CWC27: variants seen among roughly 807,000 people sequenced by gnomAD.
CWC27 encodes the protein CWC27 spliceosome associated cyclophilin, also known as spliceosome-associated protein CWC27 homolog.
Under a neutral mutation model 63.6 loss-of-function variants are expected in CWC27, and 47 were observed. The observed-to-expected ratio is 0.74, with a 90% confidence interval of 0.58 to 0.94. The LOEUF is 0.94. Ranked by LOEUF, CWC27 falls within the 40% of genes least tolerant of loss-of-function variation. CWC27 has a pLI of 0.00. For synonymous variants in CWC27, 175 were observed against 179.8 expected (o/e 0.97, Z 0.22); for missense variants, 495 against 554.3 (o/e 0.89, Z 1.07).
rs572717673 is a variant in CWC27, at chr5:64,785,835, G to GT, written c.495+259dup. The stretch of plus-strand genomic sequence containing the variant: ...CATAATGGAAAGTTAAAGGAATTAG[G>GT]TTTATTTAGCCCAAAGTAGTGACTT... On this transcript the variant is annotated intron_variant, in intron 5 of 13. Coordinates refer to ENST00000381070, the MANE Select transcript of CWC27 (RefSeq NM_005869.4). 2.3e-4 allele frequency among the ~76,000 whole-genome samples: 35 copies of GT among 152,096 alleles called. No individual in the cohort carries two copies. In the East Asian group the frequency reaches 3.1e-3, roughly 13 times the overall value.
chr5:64,974,624 C>T (rs1335356412), intron 12 of CWC27, among the ~76,000 whole-genome samples: 1 of 151,962 alleles, frequency 6.6e-6, no homozygotes, highest in Non-Finnish European at 1.5e-5. Flanking sequence ...CACAGCCAGA[C>T]CATATCATAT....
rs745785857 is a variant in CWC27 at position 64,800,235 on chromosome 5, AC to A, written c.670-12del. ...ATTTCCCCCCTCATGATTATATTGT[AC>A]ATTCTTTGCAGAGCATGAAGGGCAA... On this transcript the variant is annotated splice_polypyrimidine_tract_variant and intron_variant, in intron 7 of 13. Coordinates refer to ENST00000381070, the MANE Select transcript of CWC27 (RefSeq NM_005869.4). 5 of 1,579,124 alleles carry A rather than the reference AC, an allele frequency of 3.2e-6. No individual in the cohort carries two copies. In the South Asian group the frequency reaches 5.6e-5, roughly 18 times the overall value.
chr5:64,905,020 G>A (rs535405856), intron 11 of CWC27, among the ~76,000 whole-genome samples: 2 of 152,104 alleles, frequency 1.3e-5, no homozygotes, highest in Middle Eastern at 6.8e-3. Flanking sequence ...GGCCAACATG[G>A]TGAAACCCCA....
At chr5:64,899,154 T>G (rs1289210131) in intron 11 of CWC27, among the ~76,000 whole-genome samples, 2 of 152,138 alleles carry the variant, frequency 1.3e-5, no homozygotes, top group African/African-American at 4.8e-5. Context: ...ATTACTAGAT[T>G]CTGTTATATA....
At chr5:64,864,016 T>G (rs1054807195) in intron 10 of CWC27, among the ~76,000 whole-genome samples, 1 of 152,206 alleles carries the variant, frequency 6.6e-6, no homozygotes, top group Admixed American at 6.5e-5. Flanking sequence ...AAGCTTTCAC[T>G]CATCAACTGA....
intron 13 of CWC27, among the ~76,000 whole-genome samples, chr5:64,999,575 A>G (rs1242944065): frequency 2.0e-5 from 3 of 152,110 alleles, no homozygotes; most frequent in African/African-American, 7.2e-5. Context: ...CATGTGAGTG[A>G]GAATATGCAG....
chr5:64,901,474 G>C (rs918675730), intron 11 of CWC27, among the ~76,000 whole-genome samples: 1 of 149,988 alleles, frequency 6.7e-6, no homozygotes, highest in East Asian at 1.9e-4. Context: ...AAAAAAAAAA[G>C]GTATAAAAGA....
chr5:64,999,615 C>T lies in CWC27; in HGVS notation c.1257-18544C>T, dbSNP rs570415442. ...TCATCCTTCTCTGCCTGGCTTATTTCACTTAACATCATGGCCTTAGTTCTA... is the reference window on the plus strand; with the variant it reads ...TCATCCTTCTCTGCCTGGCTTATTTTACTTAACATCATGGCCTTAGTTCTA... On this transcript the variant is annotated intron_variant, in intron 13 of 13. Transcript: ENST00000381070. 3.9e-5 allele frequency among the ~76,000 whole-genome samples: 6 copies of T among 152,206 alleles called. No individual in the cohort carries two copies. In the South Asian group the frequency reaches 1.2e-3, roughly 32 times the overall value.
At chr5:64,824,894 A>G (rs755005412) in intron 10 of CWC27, among the ~76,000 whole-genome samples, 6 of 151,630 alleles carry the variant, frequency 4.0e-5, no homozygotes, top group Non-Finnish European at 8.8e-5. Context: ...CACCATGCCT[A>G]GCTAATTTTT....
At chr5:64,991,727 A>G (rs1233612954) in intron 13 of CWC27, among the ~76,000 whole-genome samples, 1 of 152,236 alleles carries the variant, frequency 6.6e-6, no homozygotes, top group African/African-American at 2.4e-5. Context: ...GTCTCTAAAA[A>G]ACAATAAATA....
chr5:64,975,661 T>A (rs1262648115), intron 12 of CWC27, among the ~76,000 whole-genome samples: 1 of 151,990 alleles, frequency 6.6e-6, no homozygotes. Context: ...ACAGTCATGT[T>A]CCCCCTACAC....
intron 11 of CWC27, among the ~76,000 whole-genome samples, chr5:64,936,311 G>T (rs761122769): frequency 2.1e-4 from 32 of 152,098 alleles, no homozygotes; most frequent in African/African-American, 3.6e-4. Flanking sequence ...TAGCATGAAG[G>T]GCTATTGAAT....
At chr5:64,788,913 CTCTT>C (rs759396589) in intron 6 of CWC27, 34 bp from the exon 7 acceptor site, 8 of 1,379,804 alleles carry the variant, frequency 5.8e-6, no homozygotes, top group Non-Finnish European at 7.0e-6. Context: ...ATTTGACTTT[CTCTT>C]TCTTTTTTTT....
chr5:64,789,057 A>G (rs781752051), intron 7 of CWC27, 37 bp downstream of exon 7: 2 of 1,446,628 alleles, frequency 1.4e-6, no homozygotes, highest in African/African-American at 2.8e-5. Flanking sequence ...AACTTACAAA[A>G]GAGATTGGGG....
chr5:64,811,440 ATTTTATTGTGATTCTAAAT>A (rs1203796198), intron 10 of CWC27, among the ~76,000 whole-genome samples: 1 of 152,062 alleles, frequency 6.6e-6, no homozygotes. Context: ...ATCATCTATA[ATTTTATTGTGATTCTAAAT>A]TTTTATTGTG....
chr5:64,825,302 T>C (rs756367000), intron 10 of CWC27, among the ~76,000 whole-genome samples: 1 of 152,126 alleles, frequency 6.6e-6, no homozygotes, highest in Non-Finnish European at 1.5e-5. Flanking sequence ...GGGTGTTCTT[T>C]TCTTAAAAAT....
At chr5:64,876,370 A>G (rs1746793510) in intron 10 of CWC27, among the ~76,000 whole-genome samples, 1 of 152,124 alleles carries the variant, frequency 6.6e-6, no homozygotes, top group Admixed American at 6.5e-5. Flanking sequence ...GCTAAAGACC[A>G]TGAAGGGTAT....
chr5:64,960,751 A>G (rs573589502), intron 11 of CWC27, among the ~76,000 whole-genome samples: 2 of 152,148 alleles, frequency 1.3e-5, no homozygotes, highest in Non-Finnish European at 2.9e-5. Context: ...AGGCTTATTA[A>G]CAGTTGCTGT....
intron 10 of CWC27, among the ~76,000 whole-genome samples, chr5:64,849,978 G>T (rs1462764455): frequency 6.6e-6 from 1 of 152,004 alleles, no homozygotes; most frequent in East Asian, 1.9e-4. Flanking sequence ...TGTGAGAATG[G>T]ACCAATATGG....
Sources: allele counts gnomAD v4.1 joint callset (sites outside exome capture counted in the v4.1 genomes callset), GRCh38; gene constraint gnomAD v4.1.1; transcripts MANE v1.5; gene names NCBI Gene and HGNC (gene_info 2026-07-23, HGNC 2026-07-21).